Variants in CCSER1 observed in about 807,000 individuals in gnomAD.
The protein encoded by CCSER1 is coiled-coil serine rich protein 1.
In CCSER1, 41 loss-of-function variants were observed where a neutral mutation model predicts 82.0. The observed-to-expected ratio is 0.50, with a 90% CI of 0.39 to 0.65. The LOEUF (loss-of-function observed/expected upper bound fraction) is 0.65. Ranked by LOEUF, CCSER1 falls within the 30% of genes least tolerant of loss-of-function variation. The probability of loss-of-function intolerance (pLI) is 0.00; values close to 1 mark genes in which losing one functional copy is unlikely to be tolerated. For missense variants in CCSER1, 1,119 were observed against 1,064.2 expected, an observed-to-expected ratio of 1.05 and a Z score of -0.72; for synonymous variants, 414 against 383.9, an observed-to-expected ratio of 1.08 and a Z score of -0.92.
At chr4:91,082,339 G>C (rs1489684759) in intron 9 of CCSER1, among the ~76,000 whole-genome samples, 1 of 152,140 alleles carries the variant, frequency 6.6e-6, no homozygotes, top group African/African-American at 2.4e-5. Flanking sequence ...AATGCTTCTG[G>C]GAAAACTGGC....
rs149084898 is a variant in CCSER1, at chr4:91,362,725, T to C, written c.2218-235847T>C. 4.0e-5 allele frequency among the ~76,000 whole-genome samples: 6 copies of C among 151,854 alleles called. No homozygotes were observed. In the East Asian group the frequency reaches 7.7e-4, roughly 20 times the overall value. On this transcript the variant is annotated intron_variant, in intron 10 of 10. Transcript: ENST00000509176. The stretch of plus-strand genomic sequence containing the variant: ...TACATTTTCCTCATCTTCCTCCTTT[T>C]TTTGTTTTTTCTAAGTAGGTAAAAT...
At chr4:90,778,658 AT>A (rs1580424787) in intron 7 of CCSER1, among the ~76,000 whole-genome samples, 1 of 151,986 alleles carries the variant, frequency 6.6e-6, no homozygotes, top group African/African-American at 2.4e-5. Context: ...TGGAGCAAAC[AT>A]TTTTTTGCAG....
intron 10 of CCSER1, among the ~76,000 whole-genome samples, chr4:91,375,891 T>C (rs1336953555): frequency 1.3e-5 from 2 of 152,116 alleles, no homozygotes; most frequent in East Asian, 1.9e-4. Context: ...TTATACCTCA[T>C]TGGGGAAAAT....
intron 1 of CCSER1, among the ~76,000 whole-genome samples, chr4:90,260,049 C>A (rs1724040447): frequency 6.6e-6 from 1 of 152,136 alleles, no homozygotes; most frequent in South Asian, 2.1e-4. Flanking sequence ...ACCAATTCTT[C>A]TTTGAATGTC....
chr4:90,292,810 T>C (rs1209723570), intron 1 of CCSER1, among the ~76,000 whole-genome samples: 1 of 151,960 alleles, frequency 6.6e-6, no homozygotes, highest in Non-Finnish European at 1.5e-5. Flanking sequence ...TTGGATTCCA[T>C]ATTACTGCCT....
chr4:90,474,784 A>G (rs1764836271), intron 5 of CCSER1, among the ~76,000 whole-genome samples: 1 of 152,220 alleles, frequency 6.6e-6, no homozygotes, highest in East Asian at 1.9e-4. Context: ...AAATGTGAAA[A>G]GAGAACTGTG....
In CCSER1 at chr4:90,722,088, A is replaced by G. The variant is rs1193291537; in HGVS notation, c.1933-1826A>G. Among the ~76,000 whole-genome samples, 7 of 151,750 alleles carry G rather than the reference A, an allele frequency of 4.6e-5. No individual in the cohort carries two copies. The East Asian group carries it at 1.4e-3, about 29-fold the overall frequency. ...AAAGTTGTGGGAGACCTCAATCTTTAAAGTTTACCATGAACCTTGACTTTG... is the reference window on the plus strand; with the variant it reads ...AAAGTTGTGGGAGACCTCAATCTTTGAAGTTTACCATGAACCTTGACTTTG... On this transcript the variant is annotated intron_variant, in intron 6 of 10. Coordinates refer to ENST00000509176, the MANE Select transcript of CCSER1 (RefSeq NM_001145065.2).
chr4:91,439,783 T>C (rs1461931377), intron 10 of CCSER1, among the ~76,000 whole-genome samples: 1 of 150,746 alleles, frequency 6.6e-6, no homozygotes, highest in Non-Finnish European at 1.5e-5. Flanking sequence ...ACCAAGCAAA[T>C]GGAAAACAAA....
At chr4:91,272,471 G>C (rs1238209232) in intron 10 of CCSER1, among the ~76,000 whole-genome samples, 1 of 152,062 alleles carries the variant, frequency 6.6e-6, no homozygotes, top group Non-Finnish European at 1.5e-5. Context: ...TAATAAGTTT[G>C]AGTTTGTTGT....
chr4:90,991,714 T>TGA (rs1283794208), intron 9 of CCSER1, among the ~76,000 whole-genome samples: 8 of 152,066 alleles, frequency 5.3e-5, no homozygotes, highest in Admixed American at 5.3e-4. Flanking sequence ...TCCATAGCTA[T>TGA]GATTAGGACT....
intron 3 of CCSER1, among the ~76,000 whole-genome samples, chr4:90,316,974 C>T (rs1026051348): frequency 2.0e-5 from 3 of 152,046 alleles, no homozygotes; most frequent in African/African-American, 7.2e-5. Context: ...AGTATTTTTC[C>T]AATTTTTCTC....
chr4:90,237,201 G>A (rs1745959895), intron 1 of CCSER1, among the ~76,000 whole-genome samples: 1 of 152,164 alleles, frequency 6.6e-6, no homozygotes, highest in South Asian at 2.1e-4. Flanking sequence ...GCATGAAGAT[G>A]CTAATGTTCT....
At chr4:90,519,129 C>T (rs981952481) in intron 5 of CCSER1, among the ~76,000 whole-genome samples, 16 of 151,752 alleles carry the variant, frequency 1.1e-4, no homozygotes, top group Admixed American at 6.6e-4. Flanking sequence ...GTTTAACTTT[C>T]GCCATAACTT....
intron 3 of CCSER1, among the ~76,000 whole-genome samples, chr4:90,344,303 A>G (rs1001281987): frequency 6.6e-6 from 1 of 152,168 alleles, no homozygotes; most frequent in African/African-American, 2.4e-5. Context: ...TTCTTGACAT[A>G]CAAATAATTT....
At chr4:90,778,803 C>T (rs997661479) in intron 7 of CCSER1, among the ~76,000 whole-genome samples, 3 of 151,966 alleles carry the variant, frequency 2.0e-5, no homozygotes, top group African/African-American at 7.3e-5. Context: ...TTTATTAACT[C>T]TAACATTAAA....
intron 1 of CCSER1, among the ~76,000 whole-genome samples, chr4:90,307,445 A>C (rs1329814406): frequency 7.4e-6 from 1 of 135,644 alleles, no homozygotes; most frequent in Non-Finnish European, 1.5e-5. Context: ...CTTGTGATTT[A>C]GTTTCTTCTT....
intron 9 of CCSER1, among the ~76,000 whole-genome samples, chr4:90,929,492 G>T (rs2054333): frequency 0.54 from 82,331 of 151,970 alleles, 23,979 homozygotes; most frequent in African/African-American, 0.77. Flanking sequence ...TTTATAGTGT[G>T]GCACTGAATG....
At chr4:91,138,696 G>C (rs942889787) in intron 10 of CCSER1, among the ~76,000 whole-genome samples, 27 of 126,982 alleles carry the variant, frequency 2.1e-4, no homozygotes, top group Non-Finnish European at 3.8e-4. Context: ...ATCTGACAAA[G>C]GGCTAATATC....
chr4:90,714,143 C>T (rs1294716218), intron 6 of CCSER1, among the ~76,000 whole-genome samples: 1 of 151,924 alleles, frequency 6.6e-6, no homozygotes, highest in Non-Finnish European at 1.5e-5. Context: ...TGGATCTTTT[C>T]CTTTCAAATC....
Sources: gnomAD v4.1 joint callset for allele counts (sites outside exome capture counted in the v4.1 genomes callset) on GRCh38, gnomAD v4.1.1 for gene constraint, MANE v1.5 for transcripts, NCBI Gene and HGNC (gene_info 2026-07-23, HGNC 2026-07-21) for gene names.